Variants in FAM227B observed in about 807,000 individuals in gnomAD.
FAM227B encodes the protein protein FAM227B.
A neutral mutation model predicts 73.8 loss-of-function variants in FAM227B; 88 were observed. The ratio of observed to expected loss-of-function variants is 1.19; its 90% CI spans 1.00 to 1.42. FAM227B has a LOEUF of 1.42. Among genes scored for constraint, FAM227B ranks in the 40% most tolerant of loss-of-function variants. FAM227B has a pLI of 0.00. For missense variants in FAM227B, 632 were observed against 590.9 expected (o/e 1.07, Z -0.72); for synonymous variants, 210 against 190.5 (o/e 1.10, Z -0.84).
At chr15:49,466,010 C>A (rs2054237537) in intron 11 of FAM227B, among the ~76,000 whole-genome samples, 1 of 152,082 alleles carries the variant, frequency 6.6e-6, no homozygotes, top group African/African-American at 2.4e-5. Context: ...GATTTAAAAA[C>A]AGGCAAAATT....
chr15:49,550,036 C>CG (rs2072635751), intron 9 of FAM227B, among the ~76,000 whole-genome samples: 1 of 135,402 alleles, frequency 7.4e-6, no homozygotes, highest in African/African-American at 2.7e-5. Flanking sequence ...CCCTCCCGGA[C>CG]GGGGCGGCTG....
At chr15:49,505,474 C>T (rs575699532) in intron 11 of FAM227B, among the ~76,000 whole-genome samples, 1 of 151,956 alleles carries the variant, frequency 6.6e-6, no homozygotes, top group African/African-American at 2.4e-5. Context: ...TAATGTGAGG[C>T]TATTATTTAT....
Position 49,589,931 on chromosome 15 carries a change from C to T in FAM227B, c.182G>A (p.Ser61Asn), listed in dbSNP as rs1036394496. ...SCTLKKIKED[S>N]SFVSIYTHLW... ...GTGTGTATAAATTGAAACAAATGAA[C>T]TATCTTCTTTTATTTTTTTCAGAGT... is the stretch of plus-strand genomic sequence containing the variant. Residue 61 changes from serine (S) to asparagine (N), a missense_variant, in exon 4 of 16, where the codon AGT (serine) becomes AAT (asparagine). Transcript: ENST00000299338. 3 of 1,602,924 alleles carry T rather than the reference C, an allele frequency of 1.9e-6. No homozygotes were observed. In the African/African-American group the frequency reaches 4.0e-5, roughly 21 times the overall value.
chr15:49,360,137 C>A (rs2043944532), intron 13 of FAM227B, among the ~76,000 whole-genome samples: 1 of 150,382 alleles, frequency 6.6e-6, no homozygotes, highest in African/African-American at 2.4e-5. Context: ...ATACCTAATG[C>A]TGGATGACAA....
At position 49,564,335 on chromosome 15, in the gene FAM227B, T is replaced by C. The variant is rs574057420; in HGVS notation, c.747+3910A>G. On this transcript the variant is annotated intron_variant, in intron 9 of 15. Coordinates refer to ENST00000299338, the MANE Select transcript of FAM227B (RefSeq NM_152647.3). ...TGCATTATTAAAGAGTCAAAAACAA[T>C]GGATGCTGGCAAGGCTGCAGAGAAA... Among the ~76,000 whole-genome samples the C allele has an allele frequency of 2.6e-5, 4 of 152,128 alleles. No individual in the cohort carries two copies. In the East Asian group the frequency reaches 7.7e-4, roughly 29 times the overall value.
chr15:49,463,551 A>C (rs1165072331), intron 11 of FAM227B, among the ~76,000 whole-genome samples: 1 of 47,850 alleles, frequency 2.1e-5, no homozygotes, highest in Non-Finnish European at 3.9e-5. Context: ...ATTCCGTCTC[A>C]AAAAAAAAAA....
intron 11 of FAM227B, among the ~76,000 whole-genome samples, chr15:49,474,788 A>G (rs981727360): frequency 1.3e-5 from 2 of 152,018 alleles, no homozygotes; most frequent in African/African-American, 4.8e-5. Context: ...CCCTATTGTG[A>G]ACTGCATATG....
At chr15:49,375,209 C>T (rs2046082102) in intron 11 of FAM227B, among the ~76,000 whole-genome samples, 1 of 152,140 alleles carries the variant, frequency 6.6e-6, no homozygotes, top group African/African-American at 2.4e-5. Context: ...ACTTTGTTAA[C>T]TATGAAGTGT....
chr15:49,525,669 T>G (rs1050375930), intron 10 of FAM227B, among the ~76,000 whole-genome samples: 2 of 4,492 alleles, frequency 4.5e-4, no homozygotes, highest in East Asian at 3.1e-3. Flanking sequence ...TGGAGAAATA[T>G]ATATATATAT....
chr15:49,516,297 C>T (rs541020712), intron 10 of FAM227B, among the ~76,000 whole-genome samples: 12 of 152,206 alleles, frequency 7.9e-5, no homozygotes, highest in African/African-American at 2.6e-4. Flanking sequence ...AGGGCAACTT[C>T]TCTTTTATCC....
At chr15:49,368,762 A>G (rs990607626) in intron 12 of FAM227B, among the ~76,000 whole-genome samples, 3 of 152,228 alleles carry the variant, frequency 2.0e-5, no homozygotes, top group Admixed American at 6.5e-5. Context: ...GTACTATAAG[A>G]TAAACATTCT....
At chr15:49,544,679 C>G (rs1252660663) in intron 9 of FAM227B, among the ~76,000 whole-genome samples, 1 of 152,046 alleles carries the variant, frequency 6.6e-6, no homozygotes, top group Non-Finnish European at 1.5e-5. Context: ...GGTATGTCTC[C>G]TCTTTGCCAA....
rs540464352 is a variant in FAM227B at position 49,481,830 on chromosome 15, G to A, written c.1012+26381C>T. 2.6e-5 allele frequency among the ~76,000 whole-genome samples: 4 copies of A among 152,188 alleles called. No homozygotes were observed. In the East Asian group the frequency reaches 7.7e-4, roughly 29 times the overall value. ...GTAGCTGTGAAACTCTCAACTGGAC[G>A]AGCTCTGACTAGTGTTAAGTATAGT... On this transcript the variant is annotated intron_variant, in intron 11 of 15. Transcript: ENST00000299338.
intron 3 of FAM227B, among the ~76,000 whole-genome samples, chr15:49,596,007 T>A (rs770112513): frequency 1.3e-5 from 2 of 151,948 alleles, no homozygotes; most frequent in African/African-American, 2.4e-5. Context: ...CTGGTATTCC[T>A]GAGGAGGAAA....
chr15:49,581,210 T>C (rs2075789546), intron 5 of FAM227B, among the ~76,000 whole-genome samples: 1 of 152,098 alleles, frequency 6.6e-6, no homozygotes, highest in Admixed American at 6.5e-5. Flanking sequence ...AGAAAAAATA[T>C]TAAATGTGGC....
chr15:49,344,308 T>C (rs1394191193), intron 13 of FAM227B: 1 of 152,234 alleles, frequency 6.6e-6, no homozygotes, highest in Non-Finnish European at 1.5e-5. Flanking sequence ...AATATTGTTA[T>C]AATGGTATGG....
chr15:49,418,608 CACAA>C (rs1180547301), intron 11 of FAM227B, among the ~76,000 whole-genome samples: 1 of 152,008 alleles, frequency 6.6e-6, no homozygotes, highest in African/African-American at 2.4e-5. Flanking sequence ...AACAAATGGA[CACAA>C]ACAGAGAACA....
intron 13 of FAM227B, among the ~76,000 whole-genome samples, chr15:49,352,923 C>G (rs2042462689): frequency 6.6e-6 from 1 of 152,192 alleles, no homozygotes; most frequent in Non-Finnish European, 1.5e-5. Flanking sequence ...CACTGGTGTT[C>G]TGTCTTACTG....
At chr15:49,371,029 A>G (rs12902497) in intron 12 of FAM227B, among the ~76,000 whole-genome samples, 62,938 of 151,996 alleles carry the variant, frequency 0.41, 13,183 homozygotes, top group African/African-American at 0.43. Flanking sequence ...TTGTATGTCA[A>G]CCAAAGGAGA....
Sources: gnomAD v4.1 joint callset for allele counts (sites outside exome capture counted in the v4.1 genomes callset) on GRCh38, gnomAD v4.1.1 for gene constraint, MANE v1.5 for transcripts, NCBI Gene and HGNC (gene_info 2026-07-23, HGNC 2026-07-21) for gene names.